CSMD1: variants seen among roughly 807,000 people sequenced by gnomAD.
CSMD1 encodes CUB and Sushi multiple domains 1.
CSMD1 carries 213 observed loss-of-function variants against 417.5 expected under a neutral mutation model. The observed-to-expected ratio is 0.51, with a 90% CI of 0.46 to 0.57. The LOEUF is 0.57. Among genes scored for constraint, CSMD1 ranks in the 20% least tolerant of loss-of-function variants. CSMD1 has a pLI of 0.00. For missense variants in CSMD1, 6,923 were observed against 4,529.7 expected (o/e 1.53, Z -15.17); for synonymous variants, 2,862 against 1,736.8 (o/e 1.65, Z -16.11).
chr8:3,812,854 G>A (rs1054652999), intron 5 of CSMD1, among the ~76,000 whole-genome samples: 10 of 152,122 alleles, frequency 6.6e-5, no homozygotes, highest in Non-Finnish European at 1.5e-4. Flanking sequence ...ATCACATCCT[G>A]AATTGGCCAA....
At chr8:3,718,700 G>T (rs542942242) in intron 6 of CSMD1, among the ~76,000 whole-genome samples, 2 of 152,162 alleles carry the variant, frequency 1.3e-5, no homozygotes, top group African/African-American at 4.8e-5. Context: ...CTTTACTAAT[G>T]TAAAGGGTAA....
intron 6 of CSMD1, among the ~76,000 whole-genome samples, chr8:3,720,713 A>G (rs574186715): frequency 4.6e-5 from 7 of 152,182 alleles, no homozygotes; most frequent in Admixed American, 2.0e-4. Flanking sequence ...AGTTCCAGGC[A>G]TGTACTCTAA....
chr8:3,424,126 G>A (rs182005340), intron 12 of CSMD1, among the ~76,000 whole-genome samples: 7 of 152,164 alleles, frequency 4.6e-5, no homozygotes, highest in African/African-American at 1.7e-4. Flanking sequence ...TATCAGTATA[G>A]GAAGCTCATT....
intron 5 of CSMD1, among the ~76,000 whole-genome samples, chr8:3,816,216 G>C (rs1017504925): frequency 6.6e-6 from 1 of 152,136 alleles, no homozygotes; most frequent in Non-Finnish European, 1.5e-5. Flanking sequence ...TTTTCAGACA[G>C]AAGGGCACGT....
intron 3 of CSMD1, among the ~76,000 whole-genome samples, chr8:4,332,934 T>C (rs923749165): frequency 1.6e-5 from 2 of 127,610 alleles, no homozygotes; most frequent in South Asian, 2.6e-4. Context: ...ATTTTTTTCT[T>C]ATAAAAATCT....
At chr8:4,448,286 C>CA (rs937043415) in intron 2 of CSMD1, among the ~76,000 whole-genome samples, 1 of 152,064 alleles carries the variant, frequency 6.6e-6, no homozygotes, top group African/African-American at 2.4e-5. Context: ...AGTTATAACA[C>CA]AAAAAAGGGT....
chr8:4,962,153 GA>G lies in CSMD1; in HGVS notation c.85+32178del, dbSNP rs1809534582. Among the ~76,000 whole-genome samples the G allele has an allele frequency of 2.0e-5, 3 of 147,580 alleles. No homozygotes were observed. In the East Asian group the frequency reaches 6.0e-4, roughly 30 times the overall value. The stretch of plus-strand genomic sequence containing the variant: ...TTGGAGGCTTTTACAACTATCCAGT[GA>G]AACACAAAACAATAATATAAATGTA... On this transcript the variant is annotated intron_variant, in intron 1 of 69. Coordinates refer to ENST00000635120, the MANE Select transcript of CSMD1 (RefSeq NM_033225.6).
intron 10 of CSMD1, among the ~76,000 whole-genome samples, chr8:3,546,770 A>T (rs1025543076): frequency 2.0e-5 from 3 of 152,222 alleles, no homozygotes; most frequent in Non-Finnish European, 4.4e-5. Flanking sequence ...GTTTCATGAC[A>T]TGAACTTTTT....
intron 25 of CSMD1, among the ~76,000 whole-genome samples, chr8:3,301,682 C>G (rs1004107774): frequency 1.3e-5 from 2 of 152,130 alleles, no homozygotes; most frequent in African/African-American, 4.8e-5. Flanking sequence ...TATCCATGAG[C>G]AGCCAAAGAT....
intron 1 of CSMD1, among the ~76,000 whole-genome samples, chr8:4,823,896 A>G (rs1477443899): frequency 6.6e-6 from 1 of 152,004 alleles, no homozygotes; most frequent in Admixed American, 6.6e-5. Flanking sequence ...AGAGAGAAAT[A>G]CTCTTAACAA....
intron 2 of CSMD1, among the ~76,000 whole-genome samples, chr8:4,428,239 C>G (rs974637083): frequency 3.9e-5 from 6 of 152,188 alleles, no homozygotes; most frequent in African/African-American, 9.6e-5. Context: ...AAACACAAGA[C>G]AACTAGGAGA....
At chr8:3,064,815 C>A (rs931217359) in intron 49 of CSMD1, among the ~76,000 whole-genome samples, 2 of 152,128 alleles carry the variant, frequency 1.3e-5, no homozygotes, top group African/African-American at 4.8e-5. Flanking sequence ...TAAGCAAATT[C>A]CAACTTAAAA....
chr8:3,034,767 G>C (rs965287244), intron 50 of CSMD1, among the ~76,000 whole-genome samples: 5 of 152,100 alleles, frequency 3.3e-5, no homozygotes, highest in Admixed American at 6.6e-5. Flanking sequence ...ATAGTCTATA[G>C]GGACATTTTC....
chr8:3,850,733 TA>T lies in CSMD1; in HGVS notation c.819-96692del, dbSNP rs561424213. On this transcript the variant is annotated intron_variant, in intron 5 of 69. Coordinates refer to ENST00000635120, the MANE Select transcript of CSMD1 (RefSeq NM_033225.6). ...AAATAAACATAAAAAAATAAAACAA[TA>T]AAAAAATTGAAATTCGCATTTATAC... 4.3e-3 allele frequency among the ~76,000 whole-genome samples: 659 copies of T among 151,832 alleles called. 5 individuals carry two copies. Among genetic ancestry groups the T allele is most frequent in the African/African-American group, 0.015 (625 of 41,436 alleles).
chr8:3,094,357 G>C (rs971422278), intron 47 of CSMD1, among the ~76,000 whole-genome samples: 1 of 152,000 alleles, frequency 6.6e-6, no homozygotes, highest in African/African-American at 2.4e-5. Flanking sequence ...CATTCACCTC[G>C]GTCTCCTAAA....
intron 10 of CSMD1, among the ~76,000 whole-genome samples, chr8:3,549,286 T>G (rs1798809244): frequency 6.6e-6 from 1 of 152,240 alleles, no homozygotes; most frequent in Non-Finnish European, 1.5e-5. Flanking sequence ...CTGTGTGTCC[T>G]GCAAAATCTA....
At chr8:4,001,597 C>A (rs997423709) in intron 4 of CSMD1, among the ~76,000 whole-genome samples, 2 of 152,162 alleles carry the variant, frequency 1.3e-5, no homozygotes, top group South Asian at 2.1e-4. Flanking sequence ...GCTGGATAAA[C>A]TGCAATGTTA....
chr8:4,565,018 T>C (rs866096821), intron 2 of CSMD1, among the ~76,000 whole-genome samples: 1 of 152,212 alleles, frequency 6.6e-6, no homozygotes, highest in Non-Finnish European at 1.5e-5. Flanking sequence ...GATAGATGTC[T>C]GTCATCTTCA....
rs117715350 is a variant in CSMD1 at position 3,359,257 on chromosome 8, G to A, written c.3199C>T (p.Leu1067=). The A allele has an allele frequency of 4.9e-3, 7,840 of 1,613,880 alleles. 30 individuals carry two copies. The highest frequency in any genetic ancestry group is 0.017 in the East Asian group (750 of 44,858). The change falls in exon 21 of 70, where the codon CTG becomes TTG. Residue 1067 remains leucine (L), a synonymous_variant. Coordinates refer to ENST00000635120, the MANE Select transcript of CSMD1 (RefSeq NM_033225.6). ...TATCCCAGGAAGCAGGAAAACGTCA[G>A]AGAGTCTCCCACACCAAAGTGAAAA... ...IGFHFGVGDS[L]TFSCFLGYRL... is the part of the protein sequence containing the mutation.
Sources: allele counts gnomAD v4.1 joint callset (sites outside exome capture counted in the v4.1 genomes callset), GRCh38; gene constraint gnomAD v4.1.1; transcripts MANE v1.5; gene names NCBI Gene and HGNC (gene_info 2026-07-23, HGNC 2026-07-21).